ABCC10: variants seen among roughly 807,000 people sequenced by gnomAD.
ABCC10 encodes ATP binding cassette subfamily C member 10.
In ABCC10, 110 loss-of-function variants were observed where a neutral mutation model predicts 143.2. The observed-to-expected ratio is 0.77, with a 90% confidence interval of 0.66 to 0.90. ABCC10 has a LOEUF of 0.90. ABCC10 is among the 40% of genes least tolerant of loss of function. ABCC10 has a pLI of 0.00. For missense variants in ABCC10, 1,700 were observed against 1,900.5 expected (o/e 0.89, Z 1.96); for synonymous variants, 805 against 846.7 (o/e 0.95, Z 0.85).
chr6:43,449,184 G>A lies in ABCC10; in HGVS notation c.4183G>A (p.Ala1395Thr). 2 of 1,614,074 alleles carry A rather than the reference G, an allele frequency of 1.2e-6. No individual in the cohort carries two copies. The highest frequency in any genetic ancestry group is 1.7e-6 in the Non-Finnish European group (2 of 1,179,978). The part of the protein sequence containing the change: ...GQRQLLCLAR[A>T]LLTDAKILCI... ...GAGGCAGCTGTTGTGTTTGGCCAGG[G>A]CTCTCCTCACAGATGCCAAGGTAAG... Residue 1395 changes from alanine (A) to threonine (T), a missense_variant, in exon 20 of 22, where the codon GCT becomes ACT. Coordinates refer to ENST00000372530, the MANE Select transcript of ABCC10 (RefSeq NM_001198934.2).
intron 12 of ABCC10, 35 bp downstream of exon 12, chr6:43,444,388 C>A: frequency 1.3e-6 from 2 of 1,561,598 alleles, no homozygotes; most frequent in Non-Finnish European, 1.7e-6. Context: ...TACATCGTAA[C>A]GGCTGTGCTG....
intron 1 of ABCC10, 49 bp downstream of exon 1, chr6:43,427,806 T>G: frequency 1.3e-6 from 1 of 745,960 alleles, no homozygotes; most frequent in Non-Finnish European, 2.3e-6. Flanking sequence ...CCTCCCGTTT[T>G]TACCCTTGGT....
Position 43,447,396 on chromosome 6 carries a change from C to G in ABCC10, c.3693C>G (p.Gly1231=). 5 of 1,613,094 alleles carry G rather than the reference C, an allele frequency of 3.1e-6. No homozygotes were observed. Among genetic ancestry groups the G allele is most frequent in the Non-Finnish European group, 4.2e-6 (5 of 1,179,894 alleles). Residue 1231 remains glycine (G), a synonymous_variant, in exon 17 of 22, where the codon GGC becomes GGG. Transcript: ENST00000372530. The part of the protein sequence containing the change: ...YTCDLPQEPQ[G]QPLQLGTGWL... ...GTGACCTGCCCCAGGAACCCCAGGG[C>G]CAGCCACTGCAGGTGGGCCTGTACC... is the stretch of plus-strand genomic sequence containing the variant.
chr6:43,450,636 G>A (rs767321470), downstream of ABCC10: 5 of 1,613,104 alleles, frequency 3.1e-6, no homozygotes, highest in Non-Finnish European at 2.5e-6. The surrounding 1 kb of genome is among the most constrained non-coding windows in gnomAD (Gnocchi z 4.5). Flanking sequence ...GTCCTGGCAC[G>A]CTGGAGCATA....
At position 43,443,363 on chromosome 6, in the gene ABCC10, T is replaced by A; in HGVS notation, c.2416+204T>A. On this transcript the variant is annotated intron_variant, in intron 10 of 21. Coordinates refer to ENST00000372530, the MANE Select transcript of ABCC10 (RefSeq NM_001198934.2). This position sits in a 1 kb window ranked among gnomAD's most constrained non-coding sequence, Gnocchi z 4.2. ...AAAATGCCAGTGTATTTGGGACTCA[T>A]GGGCTTTGTGACTGGGTGCTCTTGG... 1.9e-6 allele frequency: 1 copy of A among 513,382 alleles called. No individual in the cohort carries two copies. The highest frequency in any genetic ancestry group is 3.9e-5 in the South Asian group (1 of 25,382). 31.8% of individuals were successfully genotyped at this position (513,382 alleles called of 1,614,324 possible). A position where few individuals can be genotyped will look rare whatever the true frequency, so the allele number is the denominator to read the frequency against.
Position 43,450,412 on chromosome 6 carries a change from A to G in ABCC10, c.*321A>G. On this transcript the variant is annotated 3_prime_UTR_variant, in exon 22 of 22. Transcript: ENST00000372530. This position sits in a 1 kb window ranked among gnomAD's most constrained non-coding sequence, Gnocchi z 4.5. The stretch of plus-strand genomic sequence containing the variant: ...CTTACATTCTGTGTATTAAAAAAAT[A>G]ATATTTCTGGTGTGAGGCTGAGGTC... The G allele has an allele frequency of 8.8e-7, 1 of 1,132,568 alleles. No homozygotes were observed. 70.2% of individuals were successfully genotyped at this position (1,132,568 alleles called of 1,614,324 possible). A position where few individuals can be genotyped will look rare whatever the true frequency, so the allele number is the denominator to read the frequency against.
chr6:43,432,211 C>G lies in ABCC10; in HGVS notation c.231C>G (p.Ser77=). The change falls in exon 3 of 22, where the codon TCC becomes TCG. Residue 77 remains serine (S), a synonymous_variant. Coordinates refer to ENST00000372530, the MANE Select transcript of ABCC10 (RefSeq NM_001198934.2). ...RLRLAASFLL[S]VFPLLDLLPV... ...GACTTGCAGCTTCCTTCCTGCTTTC[C>G]GTCTTCCCGCTGCTAGACCTTCTTC... 1 of 1,614,228 alleles carries G rather than the reference C, an allele frequency of 6.2e-7. No homozygotes were observed. Among genetic ancestry groups the G allele is most frequent in the Non-Finnish European group, 8.5e-7 (1 of 1,180,048 alleles).
chr6:43,437,717 A>G (rs1781898251), intron 6 of ABCC10, among the ~76,000 whole-genome samples: 1 of 152,202 alleles, frequency 6.6e-6, no homozygotes, highest in African/African-American at 2.4e-5. Flanking sequence ...AGTGAAACTG[A>G]TAGCCACTCT....
chr6:43,438,536 C>G (rs1224060426), intron 7 of ABCC10, 88 bp from the exon 8 acceptor site: 1 of 1,531,480 alleles, frequency 6.5e-7, no homozygotes, highest in African/African-American at 1.4e-5. Flanking sequence ...AAGACAGCAG[C>G]CTGGGGAGGC....
At position 43,443,198 on chromosome 6, in the gene ABCC10, C is replaced by T; in HGVS notation, c.2416+39C>T. ...GAGCCCCGTGTGAGGGAGGTGTCTG[C>T]CCAGGTCTGGCAGGGGATTGTGAAG... On this transcript the variant is annotated intron_variant, in intron 10 of 21. Coordinates refer to ENST00000372530, the MANE Select transcript of ABCC10 (RefSeq NM_001198934.2). This position sits in a 1 kb window ranked among gnomAD's most constrained non-coding sequence, Gnocchi z 4.2. 6.5e-7 allele frequency: 1 copy of T among 1,539,114 alleles called. No individual in the cohort carries two copies. The highest frequency in any genetic ancestry group is 8.7e-7 in the Non-Finnish European group (1 of 1,149,946).
intron 21 of ABCC10, 142 bp from the exon 22 acceptor site, chr6:43,449,787 C>G: frequency 9.6e-7 from 1 of 1,042,294 alleles, no homozygotes; most frequent in Non-Finnish European, 1.4e-6. Context: ...CTCTGCAGTC[C>G]CTTCCCCAGC....
At position 43,447,027 on chromosome 6, in the gene ABCC10, T is replaced by C. The variant is rs1783164936; in HGVS notation, c.3545-221T>C. 7.2e-6 allele frequency: 5 copies of C among 695,250 alleles called. No homozygotes were observed. The South Asian group carries it at 1.0e-4, about 14-fold the overall frequency. 43.1% of individuals were successfully genotyped at this position (695,250 alleles called of 1,614,324 possible). A position where few individuals can be genotyped will look rare whatever the true frequency, so the allele number is the denominator to read the frequency against. ...CACGCCCAGCTAATTTTTGTATTTT[T>C]AGTAGAGACAGGGTTTCACCATGTT... On this transcript the variant is annotated intron_variant, in intron 16 of 21. Transcript: ENST00000372530.
rs1482039383 is a variant in ABCC10 at position 43,438,743 on chromosome 6, C to T, written c.2075C>T (p.Ala692Val). 2 of 1,614,232 alleles carry T rather than the reference C, an allele frequency of 1.2e-6. No homozygotes were observed. Among genetic ancestry groups the T allele is most frequent in the East Asian group, 2.2e-5 (1 of 44,884 alleles). ...DNILFGKTFD[A>V]QLYKEVLEAC... ...ATCCTCTTTGGGAAGACATTTGATG[C>T]ACAGCTGTACAAGGAGGTGCTAGAA... The change falls in exon 8 of 22, where the codon GCA (alanine) becomes GTA (valine). Residue 692 changes from alanine to valine, a missense_variant. Physicochemically the swap from Ala to Val is moderately conservative, Grantham distance 64 (BLOSUM62 0). Coordinates refer to ENST00000372530, the MANE Select transcript of ABCC10 (RefSeq NM_001198934.2).
chr6:43,435,759 G>A lies in ABCC10; in HGVS notation c.1617G>A (p.Thr539=), dbSNP rs775232220. 13 of 1,614,108 alleles carry A rather than the reference G, an allele frequency of 8.1e-6. No homozygotes were observed. The highest frequency in any genetic ancestry group is 1.7e-5 in the Admixed American group (1 of 60,018). The change falls in exon 5 of 22, where the codon ACG becomes ACA. Residue 539 remains threonine, a synonymous_variant. Transcript: ENST00000372530. ...GCACCCACCTCACTCAGGTGTTCACGGCCCTGGCACTGGTGCGAATGCTCA... is the reference window on the plus strand; with the variant it reads ...GCACCCACCTCACTCAGGTGTTCACAGCCCTGGCACTGGTGCGAATGCTCA... ...GHQLTATKVF[T]ALALVRMLIL...
At chr6:43,434,945 G>T (rs1781526946) in intron 4 of ABCC10, 97 bp downstream of exon 4, 1 of 1,292,990 alleles carries the variant, frequency 7.7e-7, no homozygotes, top group African/African-American at 1.5e-5. Context: ...AGGAGGGAGG[G>T]ATCCCTGACT....
Position 43,428,031 on chromosome 6 carries a change from C to T in ABCC10, c.53C>T (p.Pro18Leu), listed in dbSNP as rs1376257651. The change falls in exon 2 of 22, where the codon CCG becomes CTG. Residue 18 changes from proline (P) to leucine (L), a missense_variant. By Grantham distance (98) the Pro-to-Leu change is moderately conservative (BLOSUM62 -3). Coordinates refer to ENST00000372530, the MANE Select transcript of ABCC10 (RefSeq NM_001198934.2). ...LCGSSAAWPL[P>L]LWEGDTTGHC... ...GGCAGCAGCGCAGCGTGGCCGCTCCCGCTGTGGGAGGGGGACACCACAGGC... is the reference window on the plus strand; with the variant it reads ...GGCAGCAGCGCAGCGTGGCCGCTCCTGCTGTGGGAGGGGGACACCACAGGC... 1.2e-6 allele frequency: 2 copies of T among 1,606,656 alleles called. No individual in the cohort carries two copies. Among genetic ancestry groups the T allele is most frequent in the Admixed American group, 1.7e-5 (1 of 59,000 alleles).
Position 43,440,596 on chromosome 6 carries a change from GCTCACGCCTGTAATCC to G in ABCC10, c.2128-1264_2128-1249del, listed in dbSNP as rs143632082. 3.2e-3 allele frequency among the ~76,000 whole-genome samples: 486 copies of G among 151,522 alleles called. 4 individuals are homozygous for G. The highest frequency in any genetic ancestry group is 0.011 in the African/African-American group (454 of 41,320). ...AGGGCAGCCAGGCTTAACAGTGGTG[GCTCACGCCTGTAATCC>G]CAGCACTTTGGAAGTCCAAGGTGGG... On this transcript the variant is annotated intron_variant, in intron 8 of 21. Transcript: ENST00000372530.
chr6:43,429,328 AT>A (rs1489959515), intron 2 of ABCC10, among the ~76,000 whole-genome samples: 1 of 111,382 alleles, frequency 9.0e-6, no homozygotes, highest in African/African-American at 3.6e-5. Context: ...AAATATATAT[AT>A]TTTTTTCTTT....
At chr6:43,446,678 G>T (rs1783121446) in intron 16 of ABCC10, 2 of 985,210 alleles carry the variant, frequency 2.0e-6, no homozygotes, top group Non-Finnish European at 1.2e-6. Context: ...TGAGCTGCTG[G>T]TCTCAGTCCC....
Sources: gnomAD v4.1 joint callset for allele counts (sites outside exome capture counted in the v4.1 genomes callset) on GRCh38, gnomAD v4.1.1 for gene constraint, Gnocchi (gnomAD v3.1) non-coding constraint, MANE v1.5 for transcripts, NCBI Gene and HGNC (gene_info 2026-07-23, HGNC 2026-07-21) for gene names.